OPCML: variants seen among roughly 807,000 people sequenced by gnomAD.
OPCML encodes the protein opioid binding protein/cell adhesion molecule like, also known as opioid-binding protein/cell adhesion molecule.
A neutral mutation model predicts 37.8 loss-of-function variants in OPCML; 13 were observed. The observed-to-expected ratio is 0.34, with a 90% CI of 0.22 to 0.55. OPCML has a LOEUF of 0.55. Among genes scored for constraint, OPCML ranks in the 20% least tolerant of loss-of-function variants. The probability of loss-of-function intolerance (pLI) is 0.91; values close to 1 mark genes in which losing one functional copy is unlikely to be tolerated. For synonymous variants in OPCML, 176 were observed against 168.8 expected (o/e 1.04, Z -0.33); for missense variants, 341 against 435.6 (o/e 0.78, Z 1.93).
At chr11:133,047,582 G>A (rs1948041153) in intron 1 of OPCML, among the ~76,000 whole-genome samples, 1 of 152,032 alleles carries the variant, frequency 6.6e-6, no homozygotes, top group Non-Finnish European at 1.5e-5. Context: ...TCCAGCTGAG[G>A]TCTCCCGCAG....
At position 133,116,805 on chromosome 11, in the gene OPCML, C is replaced by CATACATATATATATAT. The variant is rs1280351007; in HGVS notation, c.62-173796_62-173795insATATATATATATGTAT. Among the ~76,000 whole-genome samples the CATACATATATATATAT allele has an allele frequency of 6.3e-4, 91 of 144,142 alleles. 1 individual carries two copies. The highest frequency in any genetic ancestry group is 3.1e-3 in the East Asian group (15 of 4,776). 94.6% of individuals were successfully genotyped at this position (144,142 alleles called of 152,430 possible). The stretch of plus-strand genomic sequence containing the variant: ...TGTGGGAAGATATTTTAAAACTATA[C>CATACATATATATATAT]ATATATATATATGTATGTATCTTGT... On this transcript the variant is annotated intron_variant, in intron 1 of 7. Transcript: ENST00000524381.
intron 3 of OPCML, among the ~76,000 whole-genome samples, chr11:132,582,104 TTGTGTGTGTGTGTGTGTGTGTGTG>T (rs145244488): frequency 7.1e-5 from 10 of 140,410 alleles, no homozygotes; most frequent in Admixed American, 3.6e-4. Context: ...CACACATACT[TTGTGTGTGTGTGTGTGTGTGTGTG>T]TGTGTGTGTG....
At chr11:133,041,899 C>T (rs1314249923) in intron 1 of OPCML, among the ~76,000 whole-genome samples, 2 of 152,158 alleles carry the variant, frequency 1.3e-5, no homozygotes, top group Non-Finnish European at 2.9e-5. Flanking sequence ...AAGAAGGCAA[C>T]ACTGTTTGTA....
chr11:133,229,757 G>T (rs1412084918), intron 1 of OPCML, among the ~76,000 whole-genome samples: 2 of 152,158 alleles, frequency 1.3e-5, no homozygotes, highest in Admixed American at 6.5e-5. Context: ...GAGGGTAAGG[G>T]GGAACTGCTG....
At chr11:133,170,247 C>T (rs549282377) in intron 1 of OPCML, among the ~76,000 whole-genome samples, 15 of 152,284 alleles carry the variant, frequency 9.9e-5, no homozygotes, top group Non-Finnish European at 1.6e-4. Context: ...GAGGCCGAGG[C>T]GGGCAGATCA....
At chr11:132,782,027 A>C (rs2136153421) in intron 2 of OPCML, among the ~76,000 whole-genome samples, 1 of 144,734 alleles carries the variant, frequency 6.9e-6, no homozygotes, top group South Asian at 2.2e-4. Flanking sequence ...TGATTCAGAG[A>C]GGGCTGCCAC....
intron 3 of OPCML, among the ~76,000 whole-genome samples, chr11:132,638,953 T>C (rs776336250): frequency 1.3e-5 from 2 of 152,200 alleles, no homozygotes; most frequent in Non-Finnish European, 2.9e-5. Flanking sequence ...AACTGGTTTT[T>C]TCTGCGCAGC....
chr11:132,680,263 T>C (rs1942883138), intron 2 of OPCML, among the ~76,000 whole-genome samples: 1 of 152,180 alleles, frequency 6.6e-6, no homozygotes, highest in Non-Finnish European at 1.5e-5. Flanking sequence ...CACTTTATCA[T>C]GGGCCCTCTC....
At chr11:133,053,386 A>C (rs1032020058) in intron 1 of OPCML, among the ~76,000 whole-genome samples, 7 of 152,138 alleles carry the variant, frequency 4.6e-5, no homozygotes, top group Non-Finnish European at 1.0e-4. Flanking sequence ...CCCTCTTGTA[A>C]CTGCCTTGTT....
At chr11:133,277,556 C>A (rs1423836721) in intron 1 of OPCML, among the ~76,000 whole-genome samples, 1 of 152,102 alleles carries the variant, frequency 6.6e-6, no homozygotes, top group Non-Finnish European at 1.5e-5. Context: ...ACAATGGCCT[C>A]TTCCACTTCC....
intron 1 of OPCML, among the ~76,000 whole-genome samples, chr11:133,077,786 G>A (rs1948646890): frequency 6.6e-6 from 1 of 152,064 alleles, no homozygotes; most frequent in African/African-American, 2.4e-5. Flanking sequence ...GGCAAAAGAT[G>A]CAAACAGACA....
intron 1 of OPCML, among the ~76,000 whole-genome samples, chr11:133,469,479 T>C (rs7484202): frequency 0.29 from 43,714 of 152,112 alleles, 7,849 homozygotes; most frequent in African/African-American, 0.51. Flanking sequence ...GTTGCTGTCA[T>C]ACAAAAGCTT....
At chr11:132,829,064 CAT>C (rs1940531901) in intron 2 of OPCML, among the ~76,000 whole-genome samples, 1 of 152,212 alleles carries the variant, frequency 6.6e-6, no homozygotes, top group African/African-American at 2.4e-5. Context: ...CCAACTCACA[CAT>C]TACTCAAAAC....
intron 1 of OPCML, among the ~76,000 whole-genome samples, chr11:133,160,899 C>T (rs1950132366): frequency 6.6e-6 from 1 of 152,218 alleles, no homozygotes; most frequent in South Asian, 2.1e-4. Flanking sequence ...AGGGCCGGAG[C>T]ACCACGTGGC....
At chr11:133,314,932 G>A (rs1012718849) in intron 1 of OPCML, among the ~76,000 whole-genome samples, 3 of 152,288 alleles carry the variant, frequency 2.0e-5, no homozygotes, top group East Asian at 1.9e-4. Flanking sequence ...CGTTTCATCC[G>A]AAATATTTGC....
At position 133,211,984 on chromosome 11, in the gene OPCML, G is replaced by A. The variant is rs970277601; in HGVS notation, c.62-268974C>T. 1.3e-5 allele frequency among the ~76,000 whole-genome samples: 2 copies of A among 152,118 alleles called. No individual in the cohort carries two copies. Among genetic ancestry groups the A allele is most frequent in the African/African-American group, 4.8e-5 (2 of 41,390 alleles). ...GCCATGAACGCTGGGCTGTCAGATG[G>A]CAAGCCTAGTGCATACAGCCTGATA... On this transcript the variant is annotated intron_variant, in intron 1 of 7. Transcript: ENST00000524381. The surrounding 1 kb of genome is among the most constrained non-coding windows in gnomAD (Gnocchi z 4.1).
intron 2 of OPCML, among the ~76,000 whole-genome samples, chr11:132,867,634 G>A (rs1942627211): frequency 6.6e-6 from 1 of 152,142 alleles, no homozygotes; most frequent in Admixed American, 6.5e-5. Context: ...CTTTCAAGAA[G>A]CGGGGATGAG....
At chr11:133,061,658 C>T (rs1005382330) in intron 1 of OPCML, among the ~76,000 whole-genome samples, 1 of 152,156 alleles carries the variant, frequency 6.6e-6, no homozygotes, top group Non-Finnish European at 1.5e-5. Flanking sequence ...GGGCAAGGAA[C>T]CTGATTTTGA....
chr11:133,356,876 C>T (rs898014674), intron 1 of OPCML, among the ~76,000 whole-genome samples: 8 of 152,190 alleles, frequency 5.3e-5, no homozygotes, highest in African/African-American at 1.9e-4. Context: ...GCTTAGCTGA[C>T]AGTTTATCTC....
Sources: gnomAD v4.1 joint callset for allele counts (sites outside exome capture counted in the v4.1 genomes callset) on GRCh38, gnomAD v4.1.1 for gene constraint, Gnocchi (gnomAD v3.1) non-coding constraint, MANE v1.5 for transcripts, NCBI Gene and HGNC (gene_info 2026-07-23, HGNC 2026-07-21) for gene names.